AGBL1: variants seen among roughly 807,000 people sequenced by gnomAD.
The protein encoded by AGBL1 is AGBL carboxypeptidase 1, also known as cytosolic carboxypeptidase 4.
Under a neutral mutation model 118.9 loss-of-function variants are expected in AGBL1, and 130 were observed. That is an observed-to-expected ratio of 1.09 (90% CI 0.95 to 1.26). The LOEUF (loss-of-function observed/expected upper bound fraction) is 1.26, where lower values mean the gene tolerates loss of function less well. Ranked by LOEUF, AGBL1 falls within the 50% of genes most tolerant of loss-of-function variation. The pLI, the probability that AGBL1 is intolerant of heterozygous loss-of-function variation, is 0.00. For missense variants in AGBL1, 1,584 were observed against 1,298.1 expected, an observed-to-expected ratio of 1.22 and a Z score of -3.38; for synonymous variants, 555 against 478.9, an observed-to-expected ratio of 1.16 and a Z score of -2.08.
intron 24 of AGBL1, among the ~76,000 whole-genome samples, chr15:87,003,499 G>A (rs964523888): frequency 6.6e-6 from 1 of 152,160 alleles, no homozygotes; most frequent in Non-Finnish European, 1.5e-5. Context: ...CACAAAATGA[G>A]TTAGGGAGAA....
intron 22 of AGBL1, among the ~76,000 whole-genome samples, chr15:86,805,083 T>TCTGG (rs540657322): frequency 6.2e-4 from 94 of 152,240 alleles, no homozygotes; most frequent in African/African-American, 2.2e-3. Flanking sequence ...AGTGGTCTTT[T>TCTGG]CTGGCCCCAG....
At chr15:86,475,968 C>A (rs986656677) in intron 18 of AGBL1, among the ~76,000 whole-genome samples, 20 of 152,102 alleles carry the variant, frequency 1.3e-4, no homozygotes, top group Admixed American at 5.2e-4. Flanking sequence ...CATATCCAGC[C>A]AAACTAAGCT....
chr15:86,763,804 A>T (rs2141276084), intron 22 of AGBL1, among the ~76,000 whole-genome samples: 1 of 152,124 alleles, frequency 6.6e-6, no homozygotes. Flanking sequence ...GAATTCTTTG[A>T]TTCTAACTCA....
At chr15:86,993,841 A>G (rs2081354554) in intron 24 of AGBL1, among the ~76,000 whole-genome samples, 1 of 152,094 alleles carries the variant, frequency 6.6e-6, no homozygotes, top group Admixed American at 6.6e-5. Context: ...CCTGCTTTGC[A>G]AGGATAGCTC....
chr15:86,542,598 C>T (rs1016755605), intron 19 of AGBL1, among the ~76,000 whole-genome samples: 1 of 151,982 alleles, frequency 6.6e-6, no homozygotes. Context: ...GAACTCCTGA[C>T]CTCAGGTGAT....
At chr15:86,365,028 C>CACACACATATATAT (rs376404171) in intron 17 of AGBL1, among the ~76,000 whole-genome samples, 3,839 of 102,024 alleles carry the variant, frequency 0.038, 308 homozygotes, top group African/African-American at 0.1. Context: ...TATATATATA[C>CACACACATATATAT]ACACACATAT....
At chr15:86,624,860 GTGAGTCAGCCC>G (rs2084860289) in intron 21 of AGBL1, among the ~76,000 whole-genome samples, 3 of 152,172 alleles carry the variant, frequency 2.0e-5, no homozygotes, top group Admixed American at 1.3e-4. Flanking sequence ...ACATTGCCAA[GTGAGTCAGCCC>G]TGAGTCAGCC....
chr15:86,639,686 A>G (rs978218258), intron 21 of AGBL1, among the ~76,000 whole-genome samples: 5 of 152,182 alleles, frequency 3.3e-5, no homozygotes, highest in African/African-American at 1.2e-4. Context: ...GTCCACTGAC[A>G]AAGTCTGGCT....
At chr15:86,844,566 A>G (rs1027167447) in intron 22 of AGBL1, among the ~76,000 whole-genome samples, 4 of 152,116 alleles carry the variant, frequency 2.6e-5, no homozygotes, top group African/African-American at 9.7e-5. Flanking sequence ...ATTTTTGTCT[A>G]CCTATTAATG....
At chr15:86,763,140 C>A (rs1021788860) in intron 22 of AGBL1, among the ~76,000 whole-genome samples, 1 of 151,980 alleles carries the variant, frequency 6.6e-6, no homozygotes, top group Admixed American at 6.6e-5. Context: ...TTTACCTAGT[C>A]TCCACTGACC....
At chr15:86,696,822 G>T (rs2086270919) in intron 22 of AGBL1, among the ~76,000 whole-genome samples, 1 of 151,866 alleles carries the variant, frequency 6.6e-6, no homozygotes, top group South Asian at 2.1e-4. Flanking sequence ...GCATTTGTTT[G>T]TCTGGAAAAG....
chr15:86,310,184 C>A (rs1316232158), intron 17 of AGBL1, among the ~76,000 whole-genome samples: 7 of 152,050 alleles, frequency 4.6e-5, no homozygotes, highest in African/African-American at 1.4e-4. Context: ...GGAATTTATT[C>A]ATTTCTTTGG....
chr15:86,827,427 A>ACG (rs2079035908), intron 22 of AGBL1, among the ~76,000 whole-genome samples: 1 of 8,930 alleles, frequency 1.1e-4, no homozygotes, highest in Non-Finnish European at 1.5e-4. Context: ...ATATATATAT[A>ACG]TACACATATA....
intron 22 of AGBL1, among the ~76,000 whole-genome samples, chr15:86,903,412 A>AT (rs1031738824): frequency 2.7e-5 from 4 of 150,564 alleles, no homozygotes; most frequent in Non-Finnish European, 4.4e-5. Context: ...GAGACATTTT[A>AT]TTTTTTTCAT....
At chr15:86,649,702 G>A (rs905375735) in intron 21 of AGBL1, among the ~76,000 whole-genome samples, 2 of 136,976 alleles carry the variant, frequency 1.5e-5, no homozygotes, top group African/African-American at 6.3e-5. Context: ...GATTAATTTG[G>A]GTTTTTTTTC....
At chr15:86,950,657 T>A (rs2080870928) in intron 23 of AGBL1, among the ~76,000 whole-genome samples, 1 of 151,850 alleles carries the variant, frequency 6.6e-6, no homozygotes, top group Non-Finnish European at 1.5e-5. Flanking sequence ...CAGAGTGAAA[T>A]GTACTTGCAA....
chr15:86,489,661 T>C (rs80198292), intron 18 of AGBL1, among the ~76,000 whole-genome samples: 2,100 of 152,246 alleles, frequency 0.014, 44 homozygotes, highest in African/African-American at 0.048. Flanking sequence ...ACAGCCATAC[T>C]TGTTCATGTT....
At chr15:86,524,904 A>T (rs2083242500) in intron 19 of AGBL1, among the ~76,000 whole-genome samples, 1 of 152,212 alleles carries the variant, frequency 6.6e-6, no homozygotes. Flanking sequence ...TAGCCAGAGC[A>T]ATCAGGCAAG....
intron 1 of AGBL1, among the ~76,000 whole-genome samples, chr15:86,110,494 C>A (rs1443026147): frequency 4.6e-5 from 7 of 151,998 alleles, no homozygotes; most frequent in African/African-American, 1.7e-4. Flanking sequence ...CTCATCTTTA[C>A]TTTGAGTAGG....
Sources: gnomAD v4.1 joint callset for allele counts (sites outside exome capture counted in the v4.1 genomes callset) on GRCh38, gnomAD v4.1.1 for gene constraint, MANE v1.5 for transcripts, NCBI Gene and HGNC (gene_info 2026-07-23, HGNC 2026-07-21) for gene names.